FGF2: variants seen among roughly 807,000 people sequenced by gnomAD.
FGF2 encodes the protein fibroblast growth factor 2, also known as basic fibroblast growth factor bFGF.
A neutral mutation model predicts 15.9 loss-of-function variants in FGF2; 13 were observed. The ratio of observed to expected loss-of-function variants is 0.82; its 90% CI spans 0.53 to 1.30. FGF2 has a LOEUF of 1.30. Ranked by LOEUF, FGF2 falls within the 50% of genes most tolerant of loss-of-function variation. The pLI, the probability that FGF2 is intolerant of heterozygous loss-of-function variation, is 0.00. For missense variants in FGF2, 163 were observed against 196.9 expected, an observed-to-expected ratio of 0.83 and a Z score of 1.03; for synonymous variants, 90 against 78.4, an observed-to-expected ratio of 1.15 and a Z score of -0.78.
At chr4:122,884,849 A>G (rs540757768) in intron 2 of FGF2, 4 of 152,518 alleles carry the variant, frequency 2.6e-5, no homozygotes, top group African/African-American at 9.6e-5. Context: ...AACTTGGCTC[A>G]TGTGCTTATT....
intron 1 of FGF2, among the ~76,000 whole-genome samples, chr4:122,844,330 TTC>T (rs1336583175): frequency 6.6e-6 from 1 of 152,156 alleles, no homozygotes; most frequent in Non-Finnish European, 1.5e-5. Flanking sequence ...CAAATTCTAG[TTC>T]TCTTTCTATT....
At chr4:122,834,897 A>G (rs929800451) in intron 1 of FGF2, among the ~76,000 whole-genome samples, 15 of 152,286 alleles carry the variant, frequency 9.8e-5, no homozygotes, top group East Asian at 1.9e-4. Flanking sequence ...TAGTGCACCA[A>G]TAGTGGTGCA....
At chr4:122,832,490 G>A (rs180676338) in intron 1 of FGF2, among the ~76,000 whole-genome samples, 1 of 152,250 alleles carries the variant, frequency 6.6e-6, no homozygotes, top group Non-Finnish European at 1.5e-5. Context: ...CAGGTTATCT[G>A]TCCACCTCAG....
chr4:122,877,857 A>C (rs1402041403), intron 2 of FGF2, among the ~76,000 whole-genome samples: 6 of 152,250 alleles, frequency 3.9e-5, no homozygotes, highest in Non-Finnish European at 7.3e-5. Flanking sequence ...AAGGGTATCT[A>C]AACTATCCCA....
intron 1 of FGF2, among the ~76,000 whole-genome samples, chr4:122,855,235 G>A (rs1161803061): frequency 6.6e-6 from 1 of 152,150 alleles, no homozygotes; most frequent in Admixed American, 6.5e-5. Context: ...GAAGCATTTC[G>A]AAAAGGAAGA....
rs537049510 is a variant in FGF2 at position 122,853,534 on chromosome 4, T to A, written c.179-22787T>A. The stretch of plus-strand genomic sequence containing the variant: ...ATTTTGTTGTTGCTATTTGTACTTT[T>A]GAGAATTAGGAAGGAGGGAAAAGGG... On this transcript the variant is annotated intron_variant, in intron 1 of 2. Coordinates refer to ENST00000644866, the MANE Select transcript of FGF2 (RefSeq NM_001361665.2). 2.0e-5 allele frequency among the ~76,000 whole-genome samples: 3 copies of A among 152,250 alleles called. No homozygotes were observed. The East Asian group carries it at 5.8e-4, about 29-fold the overall frequency.
At chr4:122,833,723 G>A (rs308407) in intron 1 of FGF2, among the ~76,000 whole-genome samples, 2 of 151,992 alleles carry the variant, frequency 1.3e-5, no homozygotes, top group Non-Finnish European at 2.9e-5. Flanking sequence ...TACTCATGAG[G>A]CATATGCTGT....
chr4:122,885,913 CT>C (rs11310783), intron 2 of FGF2, among the ~76,000 whole-genome samples: 8,217 of 84,222 alleles, frequency 0.098, 95 homozygotes, highest in African/African-American at 0.21. Context: ...TTTTTTTTTC[CT>C]TTTTTTTTTT....
chr4:122,837,151 A>G (rs1302850853), intron 1 of FGF2, among the ~76,000 whole-genome samples: 1 of 152,202 alleles, frequency 6.6e-6, no homozygotes. Context: ...ATTCAGATTT[A>G]TGACCCAGTA....
chr4:122,872,524 A>C (rs1024231831), intron 1 of FGF2, among the ~76,000 whole-genome samples: 1 of 151,870 alleles, frequency 6.6e-6, no homozygotes, highest in Non-Finnish European at 1.5e-5. Flanking sequence ...AATACAGAGA[A>C]CACCACCAAG....
chr4:122,847,454 G>A (rs937801076), intron 1 of FGF2, among the ~76,000 whole-genome samples: 3 of 152,152 alleles, frequency 2.0e-5, no homozygotes, highest in African/African-American at 7.2e-5. Flanking sequence ...AGTCAACCTG[G>A]CTTTGGAGTC....
Position 122,897,530 on chromosome 4 carries a change from A to G in FGF2, c.*5134A>G. On this transcript the variant is annotated 3_prime_UTR_variant, in exon 3 of 3. Transcript: ENST00000644866. ...AGACTCAGTCGGAACAAATTGGAAAATTTAAATTTTTATTCTTAGCTATAA... is the reference window on the plus strand; with the variant it reads ...AGACTCAGTCGGAACAAATTGGAAAGTTTAAATTTTTATTCTTAGCTATAA... 1 of 929,838 alleles carries G rather than the reference A, an allele frequency of 1.1e-6. No individual in the cohort carries two copies. Among genetic ancestry groups the G allele is most frequent in the South Asian group, 1.4e-5 (1 of 71,846 alleles). 57.6% of individuals were successfully genotyped at this position (929,838 alleles called of 1,614,324 possible). A position where few individuals can be genotyped will look rare whatever the true frequency, so the allele number is the denominator to read the frequency against.
chr4:122,844,753 C>T (rs1423862453), intron 1 of FGF2, among the ~76,000 whole-genome samples: 2 of 151,958 alleles, frequency 1.3e-5, no homozygotes, highest in African/African-American at 4.8e-5. Flanking sequence ...CCTCCCACCT[C>T]AGCCTCCTGA....
At chr4:122,851,711 CAT>C (rs1726236116) in intron 1 of FGF2, among the ~76,000 whole-genome samples, 1 of 152,302 alleles carries the variant, frequency 6.6e-6, no homozygotes, top group Admixed American at 6.5e-5. Flanking sequence ...AAAGTGCAAT[CAT>C]GTGGCTTTTC....
intron 1 of FGF2, among the ~76,000 whole-genome samples, chr4:122,841,334 C>A (rs1396849310): frequency 6.6e-6 from 1 of 152,228 alleles, no homozygotes. Context: ...GTGCTGACCC[C>A]TGGCTTAGGC....
At chr4:122,832,759 T>C (rs951793331) in intron 1 of FGF2, among the ~76,000 whole-genome samples, 7 of 152,234 alleles carry the variant, frequency 4.6e-5, no homozygotes, top group African/African-American at 1.7e-4. Flanking sequence ...TTTAGCTGGA[T>C]CATTAGAAAA....
intron 1 of FGF2, among the ~76,000 whole-genome samples, chr4:122,855,856 C>T (rs962858500): frequency 6.6e-6 from 1 of 152,210 alleles, no homozygotes; most frequent in African/African-American, 2.4e-5. Flanking sequence ...CCTCTCCCCT[C>T]TTCTAATTAC....
At chr4:122,845,128 C>T (rs547408935) in intron 1 of FGF2, among the ~76,000 whole-genome samples, 5 of 152,308 alleles carry the variant, frequency 3.3e-5, no homozygotes, top group Admixed American at 1.3e-4. Flanking sequence ...TCCATCAAAG[C>T]TCTTGAGTGA....
intron 1 of FGF2, chr4:122,840,572 G>T (rs1725961249): frequency 6.2e-6 from 1 of 162,284 alleles, no homozygotes; most frequent in Non-Finnish European, 1.4e-5. Flanking sequence ...TGTGTCAGTT[G>T]TGCCATTCAT....
Sources: allele counts gnomAD v4.1 joint callset (sites outside exome capture counted in the v4.1 genomes callset), GRCh38; gene constraint gnomAD v4.1.1; transcripts MANE v1.5; gene names NCBI Gene and HGNC (gene_info 2026-07-23, HGNC 2026-07-21).